PLXNA4: variants seen among roughly 807,000 people sequenced by gnomAD.
PLXNA4 encodes plexin-A4.
PLXNA4 carries 44 observed loss-of-function variants against 191.8 expected under a neutral mutation model. The observed-to-expected ratio is 0.23, with a 90% confidence interval of 0.18 to 0.29. PLXNA4 has a LOEUF of 0.29. Ranked by LOEUF, PLXNA4 falls within the 10% of genes least tolerant of loss-of-function variation. The probability of loss-of-function intolerance (pLI) is 1.00; values close to 1 mark genes in which losing one functional copy is unlikely to be tolerated. For synonymous variants in PLXNA4, 1,082 were observed against 1,009.5 expected (o/e 1.07, Z -1.36); for missense variants, 1,800 against 2,488.8 (o/e 0.72, Z 5.89).
At chr7:132,369,405 G>A (rs984375947) in intron 3 of PLXNA4, among the ~76,000 whole-genome samples, 14 of 152,178 alleles carry the variant, frequency 9.2e-5, no homozygotes, top group African/African-American at 3.4e-4. Context: ...AGCCTGGTGA[G>A]AACAGAGGGA....
chr7:132,309,344 A>G (rs1007491026), intron 3 of PLXNA4, among the ~76,000 whole-genome samples: 4 of 151,964 alleles, frequency 2.6e-5, no homozygotes, highest in Admixed American at 1.3e-4. Context: ...GGCTGGCAGG[A>G]TGCTGGGGAG....
At position 132,411,601 on chromosome 7, in the gene PLXNA4, C is replaced by T. The variant is rs188277356; in HGVS notation, c.1371+77691G>A. ...GCTAGGCCCTGATTTCAACTTCTGC[C>T]ACCATCTGAGCACGAGCCTTCTGAG... On this transcript the variant is annotated intron_variant, in intron 3 of 31. Transcript: ENST00000321063. Among the ~76,000 whole-genome samples, 14 of 152,302 alleles carry T rather than the reference C, an allele frequency of 9.2e-5. No individual in the cohort carries two copies. In the East Asian group the frequency reaches 2.5e-3, roughly 27 times the overall value.
chr7:132,139,484 TA>T, intron 30 of PLXNA4, among the ~76,000 whole-genome samples: 1 of 152,318 alleles, frequency 6.6e-6, no homozygotes, highest in South Asian at 2.1e-4. Flanking sequence ...CTACTTAGAA[TA>T]AAGAGAAAGT....
intron 3 of PLXNA4, among the ~76,000 whole-genome samples, chr7:132,316,608 T>C (rs992812488): frequency 6.6e-6 from 1 of 152,192 alleles, no homozygotes; most frequent in African/African-American, 2.4e-5. Flanking sequence ...CCCAGCAGTA[T>C]TGTGAGCTGG....
chr7:132,545,685 T>G (rs1800268302), intron 1 of PLXNA4, among the ~76,000 whole-genome samples: 1 of 152,170 alleles, frequency 6.6e-6, no homozygotes, highest in East Asian at 1.9e-4. Context: ...GACTTTCATT[T>G]GTTTTTTGCA....
chr7:132,533,326 C>G (rs1355041642), intron 1 of PLXNA4, among the ~76,000 whole-genome samples: 1 of 152,132 alleles, frequency 6.6e-6, no homozygotes. Context: ...GAGGTCCCAT[C>G]ATAGGTAGCC....
chr7:132,184,307 G>C (rs1796806807), intron 16 of PLXNA4, among the ~76,000 whole-genome samples: 1 of 152,350 alleles, frequency 6.6e-6, no homozygotes, highest in Non-Finnish European at 1.5e-5. Context: ...ACAAATGAGG[G>C]ACTCTGGCCC....
chr7:132,140,441 T>G (rs1290952914), intron 30 of PLXNA4, among the ~76,000 whole-genome samples, 158 bp downstream of exon 30: 3 of 152,130 alleles, frequency 2.0e-5, no homozygotes, highest in Non-Finnish European at 4.4e-5. Context: ...ACAGCAGCAC[T>G]GGGACTTGGG....
At chr7:132,476,287 C>A (rs116687893) in intron 3 of PLXNA4, among the ~76,000 whole-genome samples, 1,662 of 152,250 alleles carry the variant, frequency 0.011, 40 homozygotes, top group African/African-American at 0.038. Context: ...AAGGCCCCTG[C>A]AATTGCTGTC....
At chr7:132,247,217 A>C (rs61213001) in intron 4 of PLXNA4, among the ~76,000 whole-genome samples, 4,527 of 152,304 alleles carry the variant, frequency 0.03, 271 homozygotes, top group Admixed American at 0.14. Flanking sequence ...TATAGCATGC[A>C]GTCTCTGTGT....
chr7:132,434,079 C>T (rs763503246), intron 3 of PLXNA4, among the ~76,000 whole-genome samples: 9 of 152,230 alleles, frequency 5.9e-5, no homozygotes, highest in African/African-American at 1.4e-4. Context: ...CCCACCACTG[C>T]GCAGCCTTGC....
At chr7:132,430,301 C>T (rs2241728) in intron 3 of PLXNA4, among the ~76,000 whole-genome samples, 24,553 of 152,146 alleles carry the variant, frequency 0.16, 2,434 homozygotes, top group East Asian at 0.37. Context: ...AGGGACATTA[C>T]TCCTCTTCTG....
At chr7:132,470,171 T>G (rs1796879682) in intron 3 of PLXNA4, among the ~76,000 whole-genome samples, 1 of 152,258 alleles carries the variant, frequency 6.6e-6, no homozygotes, top group Admixed American at 6.5e-5. Context: ...TCAATGACAC[T>G]GAGAAGTTTA....
chr7:132,157,672 C>A (rs1795836716), intron 25 of PLXNA4, among the ~76,000 whole-genome samples: 1 of 152,238 alleles, frequency 6.6e-6, no homozygotes, highest in African/African-American at 2.4e-5. Context: ...GGACTCTCCT[C>A]CCACCTGAAT....
chr7:132,276,471 C>G (rs1393394425), intron 4 of PLXNA4, among the ~76,000 whole-genome samples: 1 of 152,138 alleles, frequency 6.6e-6, no homozygotes, highest in Non-Finnish European at 1.5e-5. Context: ...CCCTTGGCGC[C>G]CTGCCTGTTG....
chr7:132,311,197 CGT>C (rs1181188430), intron 3 of PLXNA4, among the ~76,000 whole-genome samples: 2 of 74,780 alleles, frequency 2.7e-5, no homozygotes, highest in Non-Finnish European at 5.3e-5. Flanking sequence ...TGTGTGTGCG[CGT>C]GTGGCCTAAA....
At chr7:132,337,843 A>G (rs1802878549) in intron 3 of PLXNA4, among the ~76,000 whole-genome samples, 1 of 152,212 alleles carries the variant, frequency 6.6e-6, no homozygotes, top group Non-Finnish European at 1.5e-5. Context: ...TTTTGGAGAA[A>G]ACAGAAAGCC....
At chr7:132,476,978 G>C (rs1225930128) in intron 3 of PLXNA4, among the ~76,000 whole-genome samples, 1 of 152,184 alleles carries the variant, frequency 6.6e-6, no homozygotes, top group South Asian at 2.1e-4. Context: ...TCATCTGAGA[G>C]AGGATTTAGT....
chr7:132,445,264 T>G lies in PLXNA4; in HGVS notation c.1371+44028A>C, dbSNP rs1033985632. Among the ~76,000 whole-genome samples the G allele has an allele frequency of 2.6e-5, 4 of 151,144 alleles. No individual in the cohort carries two copies. In the East Asian group the frequency reaches 7.8e-4, roughly 30 times the overall value. The stretch of plus-strand genomic sequence containing the variant: ...AGGTTAATATTCCCAATCTGCCACC[T>G]GCTCCTCCTTCTATGTGATTTCTCG... On this transcript the variant is annotated intron_variant, in intron 3 of 31. Coordinates refer to ENST00000321063, the MANE Select transcript of PLXNA4 (RefSeq NM_020911.2).
Sources: allele counts gnomAD v4.1 joint callset (sites outside exome capture counted in the v4.1 genomes callset), GRCh38; gene constraint gnomAD v4.1.1; transcripts MANE v1.5; gene names NCBI Gene and HGNC (gene_info 2026-07-23, HGNC 2026-07-21).